PTCHD4: variants seen among roughly 807,000 people sequenced by gnomAD.
The protein encoded by PTCHD4 is patched domain containing 4.
In PTCHD4, 33 loss-of-function variants were observed where a neutral mutation model predicts 58.1. The observed-to-expected ratio is 0.57, with a 90% CI of 0.43 to 0.76. PTCHD4 has a LOEUF of 0.76. Ranked by LOEUF, PTCHD4 falls within the 30% of genes least tolerant of loss-of-function variation. PTCHD4 has a pLI of 0.00. For missense variants in PTCHD4, 1,058 were observed against 1,027.1 expected, an observed-to-expected ratio of 1.03 and a Z score of -0.41; for synonymous variants, 478 against 409.6, an observed-to-expected ratio of 1.17 and a Z score of -2.02.
At chr6:48,018,087 T>C (rs1399176060) in intron 3 of PTCHD4, among the ~76,000 whole-genome samples, 1 of 152,238 alleles carries the variant, frequency 6.6e-6, no homozygotes, top group Non-Finnish European at 1.5e-5. Flanking sequence ...ATAAATAAAA[T>C]GCTTGAATGA....
rs1763535654 is a variant in PTCHD4 at position 47,865,374 on chromosome 6, C to G, written c.*12929G>C. 6.6e-6 allele frequency among the ~76,000 whole-genome samples: 1 copy of G among 151,830 alleles called. No homozygotes were observed. The highest frequency in any genetic ancestry group is 1.5e-5 in the Non-Finnish European group (1 of 67,866). ...TGTTCTGTAAAGATAAAGCAATTTC[C>G]TGAAAATTTGTGGTAAAGCTTTACA... On this transcript the variant is annotated 3_prime_UTR_variant, in exon 5 of 5. Coordinates refer to ENST00000339488, the MANE Select transcript of PTCHD4 (RefSeq NM_001384253.1).
At chr6:47,942,320 T>G (rs772278325) in intron 4 of PTCHD4, among the ~76,000 whole-genome samples, 1 of 152,230 alleles carries the variant, frequency 6.6e-6, no homozygotes, top group African/African-American at 2.4e-5. Flanking sequence ...GATAGAACTC[T>G]TTAGTTGATG....
At chr6:48,042,726 C>A (rs1256373391) in intron 3 of PTCHD4, among the ~76,000 whole-genome samples, 1 of 151,916 alleles carries the variant, frequency 6.6e-6, no homozygotes, top group Non-Finnish European at 1.5e-5. Context: ...TTCTACCCTG[C>A]AGTTCTTTCT....
intron 4 of PTCHD4, among the ~76,000 whole-genome samples, chr6:47,888,314 G>A (rs940221917): frequency 2.0e-5 from 3 of 152,098 alleles, no homozygotes; most frequent in South Asian, 2.1e-4. Context: ...CCAAGATAGC[G>A]CCACTGCACT....
intron 4 of PTCHD4, among the ~76,000 whole-genome samples, chr6:47,894,754 G>A (rs1764483033): frequency 6.6e-6 from 1 of 152,220 alleles, no homozygotes; most frequent in Non-Finnish European, 1.5e-5. Flanking sequence ...GCTCTCTTGT[G>A]ATAAATTTTA....
chr6:47,899,064 C>A (rs180940743), intron 4 of PTCHD4, among the ~76,000 whole-genome samples: 3 of 152,288 alleles, frequency 2.0e-5, no homozygotes, highest in South Asian at 2.1e-4. Flanking sequence ...TTGCTCCTAC[C>A]AGAGGCAAGG....
chr6:47,955,029 C>A (rs1234574867), intron 4 of PTCHD4, among the ~76,000 whole-genome samples: 1 of 152,184 alleles, frequency 6.6e-6, no homozygotes, highest in Admixed American at 6.5e-5. Context: ...GCATGACCAT[C>A]AAATGATTTA....
chr6:47,933,863 T>C lies in PTCHD4; in HGVS notation c.899-53927A>G, dbSNP rs961811771. On this transcript the variant is annotated intron_variant, in intron 4 of 4. Coordinates refer to ENST00000339488, the MANE Select transcript of PTCHD4 (RefSeq NM_001384253.1). ...TTATTGTTAAACTGCTAGCCATTTA[T>C]TTTGATTATTATGAATTACAAAACA... Among the ~76,000 whole-genome samples, 8 of 152,224 alleles carry C rather than the reference T, an allele frequency of 5.3e-5. 1 individual carries two copies. The highest frequency in any genetic ancestry group is 2.6e-4 in the Admixed American group (4 of 15,278).
intron 4 of PTCHD4, among the ~76,000 whole-genome samples, chr6:47,916,650 T>TACACACAC (rs147208530): frequency 2.0e-5 from 3 of 150,708 alleles, no homozygotes; most frequent in African/African-American, 4.9e-5. Context: ...GACACACACA[T>TACACACAC]ACACACACAC....
At chr6:48,054,708 TA>T (rs907223835) in intron 3 of PTCHD4, among the ~76,000 whole-genome samples, 2 of 152,050 alleles carry the variant, frequency 1.3e-5, no homozygotes, top group African/African-American at 2.4e-5. Flanking sequence ...ATGCTTATGA[TA>T]AAAAAATAAA....
chr6:47,925,054 C>T (rs1414330301), intron 4 of PTCHD4, among the ~76,000 whole-genome samples: 2 of 149,068 alleles, frequency 1.3e-5, no homozygotes, highest in Non-Finnish European at 3.0e-5. Flanking sequence ...GCGCTTACAA[C>T]CAGACATTTT....
Position 47,955,396 on chromosome 6 carries a change from T to C in PTCHD4, c.898+53238A>G, listed in dbSNP as rs549394111. ...GTCAAAGGCTCTCGAATTATGAGTC[T>C]GATTTATAAAAGAGAAATAGTATAA... On this transcript the variant is annotated intron_variant, in intron 4 of 4. Coordinates refer to ENST00000339488, the MANE Select transcript of PTCHD4 (RefSeq NM_001384253.1). Among the ~76,000 whole-genome samples, 11 of 152,320 alleles carry C rather than the reference T, an allele frequency of 7.2e-5. No homozygotes were observed. In the South Asian group the frequency reaches 2.3e-3, roughly 32 times the overall value.
In PTCHD4 at chr6:47,877,634, AT is replaced by A. The variant is rs1327078751; in HGVS notation, c.*668del. On this transcript the variant is annotated 3_prime_UTR_variant, in exon 5 of 5. Coordinates refer to ENST00000339488, the MANE Select transcript of PTCHD4 (RefSeq NM_001384253.1). ...ACTGACTGCTGAGACACTTGGGTTG[AT>A]TTAGAACGGCTATTAATGAATCTAT... is the stretch of plus-strand genomic sequence containing the variant. 2.6e-5 allele frequency among the ~76,000 whole-genome samples: 4 copies of A among 152,054 alleles called. No individual in the cohort carries two copies. The highest frequency in any genetic ancestry group is 5.9e-5 in the Non-Finnish European group (4 of 67,976).
chr6:47,869,719 T>G lies in PTCHD4; in HGVS notation c.*8584A>C, dbSNP rs1297595980. ...TTTAATGTATGTATTCTTGAATGTTTAAAGGATAAAAAATTACATTATAAG... is the reference window on the plus strand; with the variant it reads ...TTTAATGTATGTATTCTTGAATGTTGAAAGGATAAAAAATTACATTATAAG... On this transcript the variant is annotated 3_prime_UTR_variant, in exon 5 of 5. Transcript: ENST00000339488. Among the ~76,000 whole-genome samples, 3 of 151,696 alleles carry G rather than the reference T, an allele frequency of 2.0e-5. No homozygotes were observed. Among genetic ancestry groups the G allele is most frequent in the Admixed American group, 6.6e-5 (1 of 15,188 alleles).
rs1300918246 is a variant in PTCHD4, at chr6:47,858,258, A to G, written c.*20045T>C. ...CCCAATTTTGGATTCAGGGGCAGAC[A>G]TAAGAAGAAAATCTGATTTGAGTTT... On this transcript the variant is annotated 3_prime_UTR_variant, in exon 5 of 5. Coordinates refer to ENST00000339488, the MANE Select transcript of PTCHD4 (RefSeq NM_001384253.1). 6.6e-6 allele frequency among the ~76,000 whole-genome samples: 1 copy of G among 152,066 alleles called. No homozygotes were observed. The highest frequency in any genetic ancestry group is 1.5e-5 in the Non-Finnish European group (1 of 67,978).
intron 1 of PTCHD4, among the ~76,000 whole-genome samples, chr6:48,095,815 C>G (rs560655468): frequency 1.3e-5 from 2 of 151,378 alleles, no homozygotes; most frequent in Admixed American, 6.6e-5. Context: ...GAGCAAAAGG[C>G]AGTGCATCAG....
In PTCHD4 at chr6:47,975,077, G is replaced by A. The variant is rs185106526; in HGVS notation, c.898+33557C>T. Among the ~76,000 whole-genome samples, 435 of 152,254 alleles carry A rather than the reference G, an allele frequency of 2.9e-3. 1 individual carries two copies. Among genetic ancestry groups the A allele is most frequent in the African/African-American group, 1.0e-2 (415 of 41,536 alleles). On this transcript the variant is annotated intron_variant, in intron 4 of 4. Coordinates refer to ENST00000339488, the MANE Select transcript of PTCHD4 (RefSeq NM_001384253.1). ...TTCTTCACCTCCAAGGCTGGGTTGGGCTTCCTCACTGGAACTCCTTAAAAA... is the reference window on the plus strand; with the variant it reads ...TTCTTCACCTCCAAGGCTGGGTTGGACTTCCTCACTGGAACTCCTTAAAAA...
At chr6:48,105,931 C>T (rs1216441686) in intron 1 of PTCHD4, among the ~76,000 whole-genome samples, 1 of 152,102 alleles carries the variant, frequency 6.6e-6, no homozygotes, top group African/African-American at 2.4e-5. Flanking sequence ...AGACCAATAG[C>T]AAGCTCTGAA....
chr6:47,899,957 C>T (rs1486994357), intron 4 of PTCHD4: 2 of 152,186 alleles, frequency 1.3e-5, no homozygotes, highest in Non-Finnish European at 2.9e-5. Context: ...GAGCATGTAT[C>T]AGTACTTGTT....
Sources: gnomAD v4.1 joint callset for allele counts (sites outside exome capture counted in the v4.1 genomes callset) on GRCh38, gnomAD v4.1.1 for gene constraint, MANE v1.5 for transcripts, NCBI Gene and HGNC (gene_info 2026-07-23, HGNC 2026-07-21) for gene names.